Variants in DNAH8 observed in about 807,000 individuals in gnomAD.
DNAH8 encodes the protein axonemal beta dynein heavy chain 8.
In DNAH8, 382 loss-of-function variants were observed where a neutral mutation model predicts 562.1. The observed-to-expected ratio is 0.68, with a 90% CI of 0.63 to 0.74. The LOEUF (loss-of-function observed/expected upper bound fraction) is 0.74, where lower values mean the gene tolerates loss of function less well. DNAH8 is among the 30% of genes least tolerant of loss of function. The probability of loss-of-function intolerance (pLI) is 0.00; values close to 1 mark genes in which losing one functional copy is unlikely to be tolerated. For missense variants in DNAH8, 5,203 were observed against 5,620.4 expected (o/e 0.93, Z 2.37); for synonymous variants, 1,881 against 1,919.4 (o/e 0.98, Z 0.52).
chr6:38,956,800 A>G (rs1440505327), intron 82 of DNAH8, among the ~76,000 whole-genome samples: 4 of 152,222 alleles, frequency 2.6e-5, no homozygotes, highest in African/African-American at 7.2e-5. Context: ...AAAGTAAGGA[A>G]TCAAAACATA....
At chr6:39,020,875 T>C (rs2150789026) in intron 91 of DNAH8, among the ~76,000 whole-genome samples, 1 of 152,340 alleles carries the variant, frequency 6.6e-6, no homozygotes, top group East Asian at 1.9e-4. Flanking sequence ...TGCATGGTAT[T>C]CCATGGTGTA....
intron 88 of DNAH8, among the ~76,000 whole-genome samples, chr6:39,006,585 T>C (rs1765810312): frequency 6.6e-6 from 1 of 152,206 alleles, no homozygotes; most frequent in Admixed American, 6.5e-5. Context: ...GTTGGATTAT[T>C]TGAGACCTGA....
At chr6:38,892,341 G>A (rs1416368894) in intron 58 of DNAH8, among the ~76,000 whole-genome samples, 6 of 152,158 alleles carry the variant, frequency 3.9e-5, no homozygotes, top group Admixed American at 2.0e-4. Flanking sequence ...AGTGTTTGAT[G>A]TCTGATACTC....
chr6:38,990,625 C>T (rs1297147010), intron 88 of DNAH8, among the ~76,000 whole-genome samples: 1 of 152,220 alleles, frequency 6.6e-6, no homozygotes, highest in Admixed American at 6.5e-5. Flanking sequence ...TGGCCCCTCT[C>T]CCTCACTTGC....
chr6:38,992,126 T>C (rs1764834657), intron 88 of DNAH8, among the ~76,000 whole-genome samples: 1 of 152,120 alleles, frequency 6.6e-6, no homozygotes. Context: ...CCACCACGCC[T>C]GGCTAATTTT....
At chr6:38,718,135 C>T (rs1762484436) in intron 1 of DNAH8, among the ~76,000 whole-genome samples, 1 of 151,982 alleles carries the variant, frequency 6.6e-6, no homozygotes, top group South Asian at 2.1e-4. Context: ...TTAGTGGGCC[C>T]TTCATTAAGG....
chr6:38,866,816 T>C lies in DNAH8; in HGVS notation c.6633T>C (p.Val2211=). 6.2e-7 allele frequency: 1 copy of C among 1,613,642 alleles called. No individual in the cohort carries two copies. The highest frequency in any genetic ancestry group is 8.5e-7 in the Non-Finnish European group (1 of 1,179,780). The change falls in exon 47 of 93, where the codon GTT becomes GTC. Residue 2211 remains valine (V), a synonymous_variant. Transcript: ENST00000327475. ...CAAGCTGTGGTTTTCTTGAAAATGT[T>C]ATCTTGGCTCAAAAATTTTACGTTC... is the stretch of plus-strand genomic sequence containing the variant. ...KLASCGFLEN[V]ILAQKFYVLY... is the part of the protein sequence containing the mutation.
chr6:38,777,689 C>A (rs186330992), intron 13 of DNAH8, among the ~76,000 whole-genome samples: 17 of 152,252 alleles, frequency 1.1e-4, no homozygotes, highest in African/African-American at 2.4e-4. Flanking sequence ...CATCTCCCCC[C>A]ACAAAAGGCT....
intron 57 of DNAH8, among the ~76,000 whole-genome samples, chr6:38,887,618 G>T (rs1473124303): frequency 2.0e-5 from 3 of 152,002 alleles, no homozygotes. Context: ...GAGGCCAGAG[G>T]ATTGCTTGAG....
Position 38,921,566 on chromosome 6 carries a change from C to T in DNAH8, c.10662+60C>T, listed in dbSNP as rs534272227. The T allele has an allele frequency of 6.2e-5, 95 of 1,536,034 alleles. No individual in the cohort carries two copies. The African/African-American group carries it at 1.2e-3, about 20-fold the overall frequency. Reference sequence around the variant, plus strand: ...TACTGAAACTTTACACAAGAGCATGCTATATTTGGAAATCAGGCAAATGGT... The same window carrying T: ...TACTGAAACTTTACACAAGAGCATGTTATATTTGGAAATCAGGCAAATGGT... On this transcript the variant is annotated intron_variant, in intron 71 of 92. Transcript: ENST00000327475.
At position 39,005,522 on chromosome 6, in the gene DNAH8, A is replaced by C. The variant is rs183973080; in HGVS notation, c.13215-3292A>C. On this transcript the variant is annotated intron_variant, in intron 88 of 92. Coordinates refer to ENST00000327475, the MANE Select transcript of DNAH8 (RefSeq NM_001206927.2). ...ATTTGTTATTATGTGTCTTGTGATCATAACCATTCTTTGTAAATGTGAAGT... is the reference window on the plus strand; with the variant it reads ...ATTTGTTATTATGTGTCTTGTGATCCTAACCATTCTTTGTAAATGTGAAGT... Among the ~76,000 whole-genome samples, 31 of 152,350 alleles carry C rather than the reference A, an allele frequency of 2.0e-4. 1 individual carries two copies. The East Asian group carries it at 5.6e-3, about 27-fold the overall frequency.
chr6:39,000,984 C>A (rs1765444580), intron 88 of DNAH8, among the ~76,000 whole-genome samples: 1 of 152,080 alleles, frequency 6.6e-6, no homozygotes, highest in African/African-American at 2.4e-5. Flanking sequence ...GGACCAAGAA[C>A]TTAGACTGGG....
chr6:38,885,291 G>A lies in DNAH8; in HGVS notation c.8259+1293G>A, dbSNP rs1280932451. Among the ~76,000 whole-genome samples the A allele has an allele frequency of 2.0e-5, 3 of 152,076 alleles. No homozygotes were observed. The East Asian group carries it at 5.8e-4, about 29-fold the overall frequency. On this transcript the variant is annotated intron_variant, in intron 56 of 92. Coordinates refer to ENST00000327475, the MANE Select transcript of DNAH8 (RefSeq NM_001206927.2). ...TCTCTCAGCAAATAGCACCTCCACA[G>A]TCACTCTGTCAGAAAATCAAGTTGG...
chr6:38,989,887 G>T lies in DNAH8; in HGVS notation c.13054-125G>T, dbSNP rs1448414517. ...TTATTCTATCAGTAGTATTGTTAAA[G>T]CATTCTCAAAATCAATATTAAAAAC... On this transcript the variant is annotated intron_variant, in intron 87 of 92. Coordinates refer to ENST00000327475, the MANE Select transcript of DNAH8 (RefSeq NM_001206927.2). The T allele has an allele frequency of 8.3e-6, 5 of 600,212 alleles. No individual in the cohort carries two copies. The East Asian group carries it at 1.4e-4, about 17-fold the overall frequency. 37.2% of individuals were successfully genotyped at this position (600,212 alleles called of 1,614,324 possible).
chr6:38,841,326 G>T (rs1774765225), intron 33 of DNAH8, among the ~76,000 whole-genome samples: 1 of 152,132 alleles, frequency 6.6e-6, no homozygotes, highest in Admixed American at 6.5e-5. Context: ...GGCTGAGGCA[G>T]GGGAATTGCT....
chr6:38,848,902 A>G (rs1775519817), intron 37 of DNAH8, 101 bp downstream of exon 37: 1 of 1,210,852 alleles, frequency 8.3e-7, no homozygotes, highest in Non-Finnish European at 1.2e-6. Context: ...AGGCTTGACT[A>G]TGATGGGGTT....
rs1562679444 is a variant in DNAH8, at chr6:38,759,334, CAAA to C, written c.1516-2367_1516-2365del. ...AAAAACAAACAAACAAACAAACAAA[CAAA>C]CAAACCACCACCAACGAAAAAACCC... On this transcript the variant is annotated intron_variant, in intron 10 of 92. Coordinates refer to ENST00000327475, the MANE Select transcript of DNAH8 (RefSeq NM_001206927.2). 5.3e-5 allele frequency among the ~76,000 whole-genome samples: 8 copies of C among 151,924 alleles called. No individual in the cohort carries two copies. In the East Asian group the frequency reaches 7.7e-4, roughly 15 times the overall value.
intron 24 of DNAH8, among the ~76,000 whole-genome samples, chr6:38,811,112 C>A (rs1267940827): frequency 6.6e-6 from 1 of 152,164 alleles, no homozygotes; most frequent in African/African-American, 2.4e-5. Flanking sequence ...TCTCAGAGTG[C>A]ACTTTCTATT....
chr6:38,773,595 T>C (rs72849179), intron 12 of DNAH8, among the ~76,000 whole-genome samples: 18,640 of 152,166 alleles, frequency 0.12, 1,391 homozygotes, highest in Admixed American at 0.22. Flanking sequence ...TCCTGATTGC[T>C]AGGTTATCCC....
Sources: gnomAD v4.1 joint callset for allele counts (sites outside exome capture counted in the v4.1 genomes callset) on GRCh38, gnomAD v4.1.1 for gene constraint, MANE v1.5 for transcripts, NCBI Gene and HGNC (gene_info 2026-07-23, HGNC 2026-07-21) for gene names.